DYRK4: variants seen among roughly 807,000 people sequenced by gnomAD.
The protein encoded by DYRK4 is dual specificity tyrosine-phosphorylation-regulated kinase 4.
Under a neutral mutation model 68.3 loss-of-function variants are expected in DYRK4, and 64 were observed. The ratio of observed to expected loss-of-function variants is 0.94; its 90% confidence interval spans 0.77 to 1.15. DYRK4 has a LOEUF of 1.15. DYRK4 is among the 50% of genes most tolerant of loss of function. The pLI is 0.00. For missense variants in DYRK4, 740 were observed against 764.7 expected (o/e 0.97, Z 0.38); for synonymous variants, 274 against 289.9 (o/e 0.95, Z 0.56).
intron 2 of DYRK4, among the ~76,000 whole-genome samples, chr12:4,577,529 G>A (rs990833581): frequency 3.9e-5 from 6 of 152,146 alleles, no homozygotes; most frequent in African/African-American, 1.2e-4. Context: ...TGTCTTGATC[G>A]CTGTAGCTTT....
Position 4,566,853 on chromosome 12 carries a change from C to T in DYRK4, c.39-1102C>T, listed in dbSNP as rs1944682110. Among the ~76,000 whole-genome samples, 4 of 152,350 alleles carry T rather than the reference C, an allele frequency of 2.6e-5. No individual in the cohort carries two copies. In the South Asian group the frequency reaches 8.3e-4, roughly 32 times the overall value. ...TTCCTACTTACCTCCCCCAGCCCTACTGAGAAGAGGTCACTATTACAGTTC... is the reference window on the plus strand; with the variant it reads ...TTCCTACTTACCTCCCCCAGCCCTATTGAGAAGAGGTCACTATTACAGTTC... On this transcript the variant is annotated intron_variant, in intron 1 of 14. Transcript: ENST00000543431.
At chr12:4,598,253 G>A (rs1591802256) in intron 8 of DYRK4, among the ~76,000 whole-genome samples, 1 of 152,140 alleles carries the variant, frequency 6.6e-6, no homozygotes, top group Admixed American at 6.5e-5. Context: ...TACTACCAAA[G>A]CTAGATGATC....
At chr12:4,609,704 T>A (rs570572342) in intron 12 of DYRK4, among the ~76,000 whole-genome samples, 1 of 152,300 alleles carries the variant, frequency 6.6e-6, no homozygotes, top group Admixed American at 6.5e-5. Flanking sequence ...TCTTCTTTGG[T>A]CATTGGTAAA....
chr12:4,600,053 C>T (rs1350904777), intron 10 of DYRK4, among the ~76,000 whole-genome samples: 2 of 152,158 alleles, frequency 1.3e-5, no homozygotes, highest in Non-Finnish European at 2.9e-5. Flanking sequence ...AACTAACTAA[C>T]TGTGTATCTG....
intron 7 of DYRK4, 53 bp downstream of exon 7, chr12:4,596,338 C>G: frequency 1.2e-6 from 2 of 1,608,062 alleles, no homozygotes; most frequent in African/African-American, 2.7e-5. Flanking sequence ...TGACTGTGGC[C>G]CCTGCAGAAT....
intron 10 of DYRK4, chr12:4,602,201 T>C: frequency 2.3e-6 from 2 of 863,180 alleles, no homozygotes. Context: ...ACTCTGCTGT[T>C]CATGTCTTCA....
At chr12:4,612,893 T>C (rs1945241041) in intron 14 of DYRK4, 175 bp downstream of exon 14, 1 of 645,020 alleles carries the variant, frequency 1.6e-6, no homozygotes, top group Non-Finnish European at 2.6e-6. Context: ...AGGATTTGCA[T>C]GTCAATTTCT....
intron 2 of DYRK4, among the ~76,000 whole-genome samples, chr12:4,584,007 G>A (rs1245734640): frequency 6.6e-6 from 1 of 152,208 alleles, no homozygotes; most frequent in Admixed American, 6.5e-5. Context: ...ATTGTGGAAA[G>A]CCTAATGTTT....
At position 4,612,430 on chromosome 12, in the gene DYRK4, T is replaced by G. The variant is rs1033755090; in HGVS notation, c.1491-113T>G. The G allele has an allele frequency of 4.5e-6, 5 of 1,111,746 alleles. No homozygotes were observed. The African/African-American group carries it at 6.3e-5, about 14-fold the overall frequency. The allele number at this position is 1,111,746 out of a possible 1,614,324, so 68.9% of individuals were successfully genotyped here. On this transcript the variant is annotated intron_variant, in intron 13 of 14. Coordinates refer to ENST00000543431, the MANE Select transcript of DYRK4 (RefSeq NM_001394779.1). ...ATAATCTCTGTTCTATGATTATATA[T>G]CTTTGAGATATCAACATAGCTTAAA...
intron 12 of DYRK4, among the ~76,000 whole-genome samples, chr12:4,609,491 C>T (rs1039897317): frequency 1.3e-5 from 2 of 152,168 alleles, no homozygotes; most frequent in South Asian, 2.1e-4. Flanking sequence ...TCCTCTGCCC[C>T]GGGCGACTCC....
intron 2 of DYRK4, among the ~76,000 whole-genome samples, chr12:4,576,000 T>C (rs1486910785): frequency 2.6e-5 from 4 of 152,236 alleles, no homozygotes; most frequent in Non-Finnish European, 5.9e-5. Flanking sequence ...GTTGGCACAA[T>C]TGATGAACGA....
chr12:4,591,218 T>C lies in DYRK4; in HGVS notation c.383T>C (p.Phe128Ser). Residue 128 changes from phenylalanine to serine, a missense_variant, in exon 5 of 15, where the codon TTC (phenylalanine) becomes TCC (serine). Phe to Ser is a radical substitution (Grantham distance 155). Coordinates refer to ENST00000543431, the MANE Select transcript of DYRK4 (RefSeq NM_001394779.1). This position sits in a 1 kb window ranked among gnomAD's most constrained non-coding sequence, Gnocchi z 4.1. ...ASELKASEIP[F>S]HPSIKTQDPK... ...GAGCTCAAGGCTTCAGAAATACCTT[T>C]CCACCCTAGCATTAAAACCCAGGAT... is the stretch of plus-strand genomic sequence containing the variant. The C allele has an allele frequency of 6.2e-7, 1 of 1,614,110 alleles. No homozygotes were observed. The highest frequency in any genetic ancestry group is 1.3e-5 in the African/African-American group (1 of 75,018).
chr12:4,583,825 A>G (rs1202682326), intron 2 of DYRK4, among the ~76,000 whole-genome samples: 1 of 151,818 alleles, frequency 6.6e-6, no homozygotes, highest in Non-Finnish European at 1.5e-5. Flanking sequence ...GTGAAATTCT[A>G]CTCCCTCCTG....
intron 8 of DYRK4, among the ~76,000 whole-genome samples, 160 bp from the exon 9 acceptor site, chr12:4,598,868 G>A (rs968086395): frequency 6.6e-6 from 1 of 152,208 alleles, no homozygotes; most frequent in African/African-American, 2.4e-5. Flanking sequence ...ACGATTCAGT[G>A]GGAAAGCTGA....
chr12:4,593,313 G>A (rs950077808), intron 6 of DYRK4, 148 bp downstream of exon 6: 31 of 884,462 alleles, frequency 3.5e-5, no homozygotes, highest in Non-Finnish European at 4.6e-5. Context: ...GCCAAACCAA[G>A]GAAATACCAT....
At chr12:4,597,809 G>T (rs1945035345) in intron 8 of DYRK4, among the ~76,000 whole-genome samples, 1 of 152,194 alleles carries the variant, frequency 6.6e-6, no homozygotes, top group Admixed American at 6.5e-5. Flanking sequence ...GGAGGCCGAG[G>T]TGGGTGGATC....
At chr12:4,563,544 T>A (rs1481924346) in intron 1 of DYRK4, among the ~76,000 whole-genome samples, 1 of 152,192 alleles carries the variant, frequency 6.6e-6, no homozygotes. Context: ...TCAAAGAATA[T>A]GGTCGTGCTG....
chr12:4,568,222 A>G (rs1042342173), intron 2 of DYRK4, among the ~76,000 whole-genome samples, 174 bp downstream of exon 2: 2 of 152,134 alleles, frequency 1.3e-5, no homozygotes, highest in Non-Finnish European at 2.9e-5. Context: ...TGGAGGGAAA[A>G]TCAGCAGAAG....
chr12:4,583,923 G>A (rs944053915), intron 2 of DYRK4, among the ~76,000 whole-genome samples: 30 of 152,148 alleles, frequency 2.0e-4, no homozygotes, highest in Non-Finnish European at 2.8e-4. Context: ...CTGACACGCA[G>A]GGCAGGTTCT....
Sources: gnomAD v4.1 joint callset for allele counts (sites outside exome capture counted in the v4.1 genomes callset) on GRCh38, gnomAD v4.1.1 for gene constraint, Gnocchi (gnomAD v3.1) non-coding constraint, MANE v1.5 for transcripts, NCBI Gene and HGNC (gene_info 2026-07-23, HGNC 2026-07-21) for gene names.